The following TRAK1 variants were observed in gnomAD, a reference collection of about 807,000 sequenced individuals.
The protein encoded by TRAK1 is trafficking kinesin-binding protein 1.
A neutral mutation model predicts 92.1 loss-of-function variants in TRAK1; 33 were observed. The observed-to-expected ratio is 0.36, with a 90% CI of 0.27 to 0.48. TRAK1 has a LOEUF of 0.48. TRAK1 is among the 20% of genes least tolerant of loss of function. The pLI is 0.99. For missense variants in TRAK1, 1,123 were observed against 1,257.9 expected, an observed-to-expected ratio of 0.89 and a Z score of 1.62; for synonymous variants, 521 against 517.3, an observed-to-expected ratio of 1.01 and a Z score of -0.10.
intron 2 of TRAK1, among the ~76,000 whole-genome samples, chr3:42,160,794 G>A (rs1240191705): frequency 1.3e-5 from 2 of 152,082 alleles, no homozygotes; most frequent in African/African-American, 2.4e-5. Flanking sequence ...GAATCAAACA[G>A]GGTGTATTCC....
At chr3:42,141,993 C>T (rs1018722466) in intron 2 of TRAK1, among the ~76,000 whole-genome samples, 6 of 152,088 alleles carry the variant, frequency 3.9e-5, no homozygotes, top group African/African-American at 1.2e-4. Context: ...AAAAATTAGC[C>T]GGGCATGGTG....
rs749632005 is a variant in TRAK1 at position 42,202,670 on chromosome 3, C to G, written c.1662C>G (p.Ser554=). 3 of 1,613,610 alleles carry G rather than the reference C, an allele frequency of 1.9e-6. No individual in the cohort carries two copies. The highest frequency in any genetic ancestry group is 2.2e-5 in the East Asian group (1 of 44,854). ...CCCTGGGCACGCACTCCCGCTTCTC[C>G]GAGTTCACCGGCTTCTCTGGCATGT... is the stretch of plus-strand genomic sequence containing the variant. The part of the protein sequence containing the change: ...IMSLGTHSRF[S]EFTGFSGMSF... Residue 554 remains serine, a synonymous_variant, in exon 13 of 16, where the codon TCC becomes TCG. Transcript: ENST00000327628. This position sits in a 1 kb window ranked among gnomAD's most constrained non-coding sequence, Gnocchi z 6.1.
intron 1 of TRAK1, among the ~76,000 whole-genome samples, chr3:42,028,893 A>G (rs781554083): frequency 1.3e-4 from 20 of 152,204 alleles, no homozygotes; most frequent in African/African-American, 3.9e-4. Flanking sequence ...ATGTTAGTCT[A>G]TTCTCACATG....
chr3:42,055,119 C>T (rs1039160494), intron 1 of TRAK1, among the ~76,000 whole-genome samples: 10 of 151,922 alleles, frequency 6.6e-5, no homozygotes, highest in African/African-American at 2.2e-4. Flanking sequence ...AGGGTTTCGC[C>T]ATGTTGGCCA....
chr3:42,210,954 G>A, intron 14 of TRAK1: 1 of 985,406 alleles, frequency 1.0e-6, no homozygotes, highest in Non-Finnish European at 1.2e-6. Flanking sequence ...GGAATCATGG[G>A]ATCACATGGT....
At chr3:42,155,928 G>A (rs1320732922) in intron 2 of TRAK1, among the ~76,000 whole-genome samples, 1 of 152,178 alleles carries the variant, frequency 6.6e-6, no homozygotes, top group Non-Finnish European at 1.5e-5. Flanking sequence ...AGAGAATGAT[G>A]TGCCTCCGCC....
intron 1 of TRAK1, among the ~76,000 whole-genome samples, chr3:42,042,947 G>A (rs140662584): frequency 1.3e-3 from 199 of 151,978 alleles, no homozygotes; most frequent in African/African-American, 4.5e-3. Context: ...TCCTCATCTC[G>A]TCTTTAAAAA....
At chr3:42,128,373 G>A (rs1161694999) in intron 2 of TRAK1, among the ~76,000 whole-genome samples, 1 of 152,192 alleles carries the variant, frequency 6.6e-6, no homozygotes, top group African/African-American at 2.4e-5. Flanking sequence ...AAAGTTCTTA[G>A]AGCCTGCTTG....
At chr3:42,024,023 G>A (rs927049061) in intron 1 of TRAK1, among the ~76,000 whole-genome samples, 8 of 152,128 alleles carry the variant, frequency 5.3e-5, no homozygotes, top group Non-Finnish European at 8.8e-5. Context: ...CCAAAGTGCT[G>A]GGATTACAGG....
intron 1 of TRAK1, among the ~76,000 whole-genome samples, chr3:42,031,363 C>T (rs1244810476): frequency 6.7e-6 from 1 of 150,206 alleles, no homozygotes; most frequent in Non-Finnish European, 1.5e-5. Flanking sequence ...GAAAGTTTTC[C>T]AAAGATTCCT....
At chr3:42,149,454 A>G (rs1699705276) in intron 2 of TRAK1, 2 of 1,530,724 alleles carry the variant, frequency 1.3e-6, no homozygotes, top group South Asian at 1.2e-5. Flanking sequence ...AGTATTCTGG[A>G]AGGGCGGGGA....
intron 1 of TRAK1, among the ~76,000 whole-genome samples, chr3:42,099,898 TC>T (rs1279674152): frequency 1.3e-5 from 2 of 152,152 alleles, no homozygotes; most frequent in Non-Finnish European, 2.9e-5. Context: ...CAGTGTCTCT[TC>T]CTTTGCCTTT....
At chr3:42,066,154 C>T (rs886821825) in intron 1 of TRAK1, among the ~76,000 whole-genome samples, 3 of 151,984 alleles carry the variant, frequency 2.0e-5, no homozygotes, top group Non-Finnish European at 4.4e-5. Flanking sequence ...GGCAAAACCC[C>T]GTCTCTGCTA....
chr3:42,196,222 T>G (rs1055667385), intron 10 of TRAK1, among the ~76,000 whole-genome samples: 2 of 152,244 alleles, frequency 1.3e-5, no homozygotes, highest in Admixed American at 6.5e-5. Context: ...TAAAGGTATT[T>G]AAAGCAGTCT....
chr3:42,150,122 C>T (rs909721739), intron 2 of TRAK1, among the ~76,000 whole-genome samples: 2 of 150,874 alleles, frequency 1.3e-5, no homozygotes, highest in East Asian at 2.0e-4. Context: ...TACCACTTAG[C>T]GGGTGATTCA....
chr3:42,080,718 C>T (rs935135211), intron 1 of TRAK1, among the ~76,000 whole-genome samples: 2 of 152,156 alleles, frequency 1.3e-5, no homozygotes, highest in Non-Finnish European at 2.9e-5. Flanking sequence ...CACCTTTGCC[C>T]TACAAATTCC....
At chr3:42,121,201 A>C (rs1709803729) in intron 1 of TRAK1, among the ~76,000 whole-genome samples, 1 of 151,912 alleles carries the variant, frequency 6.6e-6, no homozygotes, top group Non-Finnish European at 1.5e-5. Context: ...CATTGCTGGG[A>C]CGGTGAGACA....
intron 3 of TRAK1, among the ~76,000 whole-genome samples, chr3:42,179,418 C>T (rs146581297): frequency 6.6e-6 from 1 of 152,324 alleles, no homozygotes; most frequent in African/African-American, 2.4e-5. Flanking sequence ...CTTCCACCAG[C>T]GTGGAGAGTT....
chr3:42,112,565 T>A (rs1708580800), intron 1 of TRAK1, among the ~76,000 whole-genome samples: 1 of 151,226 alleles, frequency 6.6e-6, no homozygotes, highest in African/African-American at 2.4e-5. Context: ...CAAAACTGTG[T>A]CTCTACTAAA....
Sources: allele counts gnomAD v4.1 joint callset (sites outside exome capture counted in the v4.1 genomes callset), GRCh38; gene constraint gnomAD v4.1.1; non-coding constraint Gnocchi (gnomAD v3.1); transcripts MANE v1.5; gene names NCBI Gene and HGNC (gene_info 2026-07-23, HGNC 2026-07-21).